Variants in BICD1 observed in about 807,000 individuals in gnomAD.
BICD1 encodes BICD cargo adaptor 1, also known as protein bicaudal D homolog 1.
In BICD1, 35 loss-of-function variants were observed where a neutral mutation model predicts 92.5. The ratio of observed to expected loss-of-function variants is 0.38; its 90% CI spans 0.29 to 0.50. The LOEUF is 0.50. Ranked by LOEUF, BICD1 falls within the 20% of genes least tolerant of loss-of-function variation. The pLI is 0.93. For missense variants in BICD1, 950 were observed against 1,189.8 expected (o/e 0.80, Z 2.97); for synonymous variants, 429 against 465.1 (o/e 0.92, Z 1.00).
chr12:32,333,045 T>G (rs1463720907), intron 5 of BICD1: 1 of 985,192 alleles, frequency 1.0e-6, no homozygotes, highest in Non-Finnish European at 1.2e-6. Flanking sequence ...AAACAATAAA[T>G]GATTTTGTAT....
At chr12:32,367,472 CT>C in intron 8 of BICD1, 197 bp from the exon 9 acceptor site, 1 of 472,996 alleles carries the variant, frequency 2.1e-6, no homozygotes, top group East Asian at 3.2e-5. Context: ...TTTTTTAATA[CT>C]GTATTTAAGA....
At chr12:32,171,969 ACACACACACACAC>A (rs1943956491) in intron 1 of BICD1, among the ~76,000 whole-genome samples, 1 of 149,338 alleles carries the variant, frequency 6.7e-6, no homozygotes, top group East Asian at 2.0e-4. Context: ...ACACACACAC[ACACACACACACAC>A]ACACACACTA....
At chr12:32,185,246 A>G (rs573237460) in intron 1 of BICD1, among the ~76,000 whole-genome samples, 2 of 152,336 alleles carry the variant, frequency 1.3e-5, no homozygotes, top group African/African-American at 4.8e-5. Flanking sequence ...GGAATGTTTT[A>G]TTATTAATCA....
intron 4 of BICD1, among the ~76,000 whole-genome samples, chr12:32,318,722 C>T (rs1017191313): frequency 3.3e-5 from 5 of 152,090 alleles, no homozygotes; most frequent in Non-Finnish European, 4.4e-5. Flanking sequence ...GGCGTAGTGG[C>T]GCATGCCTGT....
intron 2 of BICD1, among the ~76,000 whole-genome samples, chr12:32,240,252 A>G (rs889926636): frequency 5.9e-5 from 9 of 152,166 alleles, no homozygotes; most frequent in African/African-American, 2.2e-4. Context: ...CCAAAGTACT[A>G]TGAATTTTAT....
intron 1 of BICD1, among the ~76,000 whole-genome samples, chr12:32,145,648 C>T (rs745848681): frequency 6.6e-6 from 1 of 151,976 alleles, no homozygotes; most frequent in Non-Finnish European, 1.5e-5. Context: ...TTTTAGAGGA[C>T]CAAGTTGATA....
At chr12:32,193,622 T>C (rs1222581427) in intron 1 of BICD1, among the ~76,000 whole-genome samples, 1 of 152,114 alleles carries the variant, frequency 6.6e-6, no homozygotes, top group East Asian at 1.9e-4. Flanking sequence ...AATGGATCAA[T>C]TCCTAGAAAC....
chr12:32,141,918 T>C (rs920073988), intron 1 of BICD1, among the ~76,000 whole-genome samples: 1 of 152,214 alleles, frequency 6.6e-6, no homozygotes, highest in Non-Finnish European at 1.5e-5. Context: ...GCCTAGCACA[T>C]AGTAGGTGAC....
At chr12:32,323,407 A>T (rs1948703541) in intron 4 of BICD1, among the ~76,000 whole-genome samples, 2 of 152,176 alleles carry the variant, frequency 1.3e-5, no homozygotes, top group South Asian at 4.1e-4. Flanking sequence ...TCACTAACTC[A>T]CTTCATCATC....
chr12:32,298,669 G>A (rs1297134687), intron 3 of BICD1, among the ~76,000 whole-genome samples: 1 of 150,416 alleles, frequency 6.6e-6, no homozygotes, highest in Non-Finnish European at 1.5e-5. Flanking sequence ...TCTGGAGTTC[G>A]AGACCAGCCT....
At chr12:32,273,488 T>G (rs943491578) in intron 2 of BICD1, among the ~76,000 whole-genome samples, 2 of 152,052 alleles carry the variant, frequency 1.3e-5, no homozygotes, top group Non-Finnish European at 2.9e-5. Context: ...ACCACCAAGA[T>G]GCATGCATGA....
intron 1 of BICD1, among the ~76,000 whole-genome samples, chr12:32,127,372 C>G (rs1942382689): frequency 6.6e-6 from 1 of 152,140 alleles, no homozygotes; most frequent in Admixed American, 6.6e-5. Flanking sequence ...CATGATTCCA[C>G]CCCACCCCCC....
At chr12:32,268,625 G>A (rs974585161) in intron 2 of BICD1, among the ~76,000 whole-genome samples, 1 of 151,986 alleles carries the variant, frequency 6.6e-6, no homozygotes, top group Non-Finnish European at 1.5e-5. Flanking sequence ...GCGAAACCCC[G>A]TCTCTACTAA....
intron 2 of BICD1, among the ~76,000 whole-genome samples, chr12:32,245,660 T>C (rs1403249296): frequency 6.9e-6 from 1 of 144,750 alleles, no homozygotes; most frequent in East Asian, 1.9e-4. Flanking sequence ...AATATAGTGT[T>C]ACTTTGAGAA....
chr12:32,122,334 A>G (rs950737549), intron 1 of BICD1, among the ~76,000 whole-genome samples: 3 of 151,924 alleles, frequency 2.0e-5, no homozygotes, highest in Admixed American at 2.0e-4. Context: ...TGAAAAATAC[A>G]AAAAATTAGC....
chr12:32,345,333 T>C (rs2136292870), intron 8 of BICD1, among the ~76,000 whole-genome samples: 1 of 151,562 alleles, frequency 6.6e-6, no homozygotes, highest in East Asian at 1.9e-4. Context: ...CAACCACATG[T>C]TGAGAAATAC....
chr12:32,150,854 A>G (rs1210876655), intron 1 of BICD1, among the ~76,000 whole-genome samples: 1 of 152,214 alleles, frequency 6.6e-6, no homozygotes, highest in Non-Finnish European at 1.5e-5. Flanking sequence ...TTCCACAGGT[A>G]AAGAAGGCAC....
chr12:32,320,479 T>G (rs943017255), intron 4 of BICD1, among the ~76,000 whole-genome samples: 1 of 151,878 alleles, frequency 6.6e-6, no homozygotes, highest in Non-Finnish European at 1.5e-5. Context: ...CCATCTCTAC[T>G]AAAAATACAA....
chr12:32,232,998 A>T (rs1001828113), intron 2 of BICD1, among the ~76,000 whole-genome samples: 12 of 152,326 alleles, frequency 7.9e-5, no homozygotes, highest in Non-Finnish European at 1.2e-4. Flanking sequence ...GGCAGAGAGC[A>T]TTGCCCAGGA....
Sources: gnomAD v4.1 joint callset for allele counts (sites outside exome capture counted in the v4.1 genomes callset) on GRCh38, gnomAD v4.1.1 for gene constraint, MANE v1.5 for transcripts, NCBI Gene and HGNC (gene_info 2026-07-23, HGNC 2026-07-21) for gene names.